Variants in NFX1 observed in about 807,000 individuals in gnomAD.
The protein encoded by NFX1 is transcriptional repressor NF-X1.
NFX1 carries 69 observed loss-of-function variants against 137.2 expected under a neutral mutation model. The observed-to-expected ratio is 0.50, with a 90% confidence interval of 0.41 to 0.61. NFX1 has a LOEUF of 0.61. Ranked by LOEUF, NFX1 falls within the 20% of genes least tolerant of loss-of-function variation. NFX1 has a pLI of 0.00. For missense variants in NFX1, 1,167 were observed against 1,391.0 expected (o/e 0.84, Z 2.56); for synonymous variants, 495 against 474.1 (o/e 1.04, Z -0.57).
At chr9:33,328,369 C>T (rs961959124) in intron 9 of NFX1, among the ~76,000 whole-genome samples, 1 of 151,966 alleles carries the variant, frequency 6.6e-6, no homozygotes, top group Non-Finnish European at 1.5e-5. Context: ...AAGCATATTC[C>T]AGTGTCTAAG....
At chr9:33,342,991 T>C (rs1030153024) in intron 13 of NFX1, 137 bp downstream of exon 13, 3 of 633,070 alleles carry the variant, frequency 4.7e-6, no homozygotes, top group Non-Finnish European at 8.0e-6. Flanking sequence ...TTGAGACTTT[T>C]TTTAAAGTTA....
chr9:33,361,349 G>A (rs1050318086), intron 19 of NFX1, among the ~76,000 whole-genome samples: 1 of 151,928 alleles, frequency 6.6e-6, no homozygotes, highest in Admixed American at 6.6e-5. Flanking sequence ...TATATTTATG[G>A]TAATACAGCA....
chr9:33,352,968 CT>C (rs1384425308), intron 17 of NFX1: 4 of 382,528 alleles, frequency 1.0e-5, no homozygotes, highest in Admixed American at 4.3e-5. Flanking sequence ...GGGTCTCGCC[CT>C]GTTTCCCAGG....
chr9:33,339,304 G>A (rs766586264), intron 12 of NFX1, among the ~76,000 whole-genome samples: 17 of 152,152 alleles, frequency 1.1e-4, no homozygotes, highest in Non-Finnish European at 1.8e-4. Flanking sequence ...GGAAGGCAAG[G>A]AAGAGCAAGT....
Position 33,369,972 on chromosome 9 carries a change from G to A in NFX1, c.3357G>A (p.Gln1119=), listed in dbSNP as rs763761010. The A allele has an allele frequency of 1.9e-5, 31 of 1,610,612 alleles. No homozygotes were observed. Among genetic ancestry groups the A allele is most frequent in the Non-Finnish European group, 2.5e-5 (30 of 1,177,062 alleles). The change falls in exon 24 of 24, where the codon CAG becomes CAA. Residue 1119 remains glutamine (Q), a synonymous_variant. Coordinates refer to ENST00000379540, the MANE Select transcript of NFX1 (RefSeq NM_002504.6). ...CAATAATTGACTATTTTGACGTCCA[G>A]GACTAAGAAGATCATGATGCACTTA... ...KEPIIDYFDV[Q]D
intron 23 of NFX1, 120 bp downstream of exon 23, chr9:33,367,739 A>G (rs1824212073): frequency 2.6e-6 from 2 of 782,284 alleles, no homozygotes; most frequent in East Asian, 5.4e-5. Flanking sequence ...TTGGGGTACC[A>G]TGTTCAAATA....
At position 33,301,274 on chromosome 9, in the gene NFX1, G is replaced by C. The variant is rs747572562; in HGVS notation, c.1045G>C (p.Glu349Gln). 1 of 1,611,770 alleles carries C rather than the reference G, an allele frequency of 6.2e-7. No individual in the cohort carries two copies. Among genetic ancestry groups the C allele is most frequent in the Non-Finnish European group, 8.5e-7 (1 of 1,179,344 alleles). ...TGTTTTTTAAACAGGTTCTCTAATT[G>C]AACAACTAACAACAGAAAAATACGA... ...NVETHTGSLI[E>Q]QLTTEKYECM... Residue 349 changes from glutamate to glutamine, a missense_variant, in exon 3 of 24, where the codon GAA becomes CAA. Coordinates refer to ENST00000379540, the MANE Select transcript of NFX1 (RefSeq NM_002504.6).
At position 33,367,613 on chromosome 9, in the gene NFX1, C is replaced by A; in HGVS notation, c.3284C>A (p.Ser1095Ter). ...PPPIPHHRHQ[S>*]DKNPGSSNLQ... ...CCGATTCCTCATCACAGACATCAGT[C>A]AGACAAGTAAGATTCTCCAGCTGCT... Residue 1095 changes from serine (S) to a stop codon, truncating the protein, a stop_gained, in exon 23 of 24, where the codon TCA (serine) becomes TAA (stop). Transcript: ENST00000379540. LOFTEE classifies it high-confidence loss of function. 2 of 1,613,552 alleles carry A rather than the reference C, an allele frequency of 1.2e-6. No individual in the cohort carries two copies. Among genetic ancestry groups the A allele is most frequent in the South Asian group, 2.2e-5 (2 of 90,998 alleles).
At chr9:33,301,466 T>TA (rs778261791) in intron 3 of NFX1, 45 bp downstream of exon 3, 2 of 1,560,998 alleles carry the variant, frequency 1.3e-6, no homozygotes, top group East Asian at 4.5e-5. Context: ...CCCTATTTGA[T>TA]ACGTTTAAGT....
At chr9:33,292,991 C>T (rs188980669) in intron 1 of NFX1, among the ~76,000 whole-genome samples, 8 of 152,336 alleles carry the variant, frequency 5.3e-5, no homozygotes. Context: ...CCATCCCATC[C>T]CCTAGAATTC....
chr9:33,353,030 A>T (rs531234975), intron 17 of NFX1, among the ~76,000 whole-genome samples: 1 of 152,162 alleles, frequency 6.6e-6, no homozygotes, highest in African/African-American at 2.4e-5. Flanking sequence ...GGCGTGAGCC[A>T]CTACACCTGG....
At chr9:33,327,354 A>G (rs954298815) in intron 9 of NFX1, among the ~76,000 whole-genome samples, 12 of 151,938 alleles carry the variant, frequency 7.9e-5, no homozygotes, top group Admixed American at 7.2e-4. Flanking sequence ...ACTGGATTTA[A>G]AAAACAAGAT....
intron 3 of NFX1, 86 bp from the exon 4 acceptor site, chr9:33,303,105 G>A: frequency 6.2e-6 from 6 of 974,016 alleles, no homozygotes; most frequent in Non-Finnish European, 8.1e-6. Flanking sequence ...CTTCAATATT[G>A]TGTCTTCCTA....
chr9:33,335,986 GTTA>G (rs1253689138), intron 11 of NFX1, among the ~76,000 whole-genome samples: 2 of 152,144 alleles, frequency 1.3e-5, no homozygotes, highest in South Asian at 4.1e-4. Flanking sequence ...GAATAGTGCT[GTTA>G]TGAACATTTG....
intron 9 of NFX1, among the ~76,000 whole-genome samples, chr9:33,321,574 T>C (rs531404652): frequency 2.6e-5 from 4 of 152,168 alleles, no homozygotes; most frequent in African/African-American, 9.6e-5. Context: ...TAGGGAAAAC[T>C]ATAAAAAAGC....
At chr9:33,354,916 T>A (rs1243145892) in intron 19 of NFX1, 24 bp downstream of exon 19, 1 of 1,613,340 alleles carries the variant, frequency 6.2e-7, no homozygotes, top group Admixed American at 1.7e-5. Flanking sequence ...GCTGCTTTTT[T>A]AATCTCCTTG....
At chr9:33,361,051 A>G (rs1203291846) in intron 19 of NFX1, among the ~76,000 whole-genome samples, 1 of 152,242 alleles carries the variant, frequency 6.6e-6, no homozygotes, top group Non-Finnish European at 1.5e-5. Context: ...ATTGATCAAG[A>G]GTCTTATGTC....
intron 12 of NFX1, 117 bp from the exon 13 acceptor site, chr9:33,342,629 C>A: frequency 1.4e-6 from 1 of 739,888 alleles, no homozygotes. Flanking sequence ...GAAGGTATTT[C>A]CAGATATCAT....
At chr9:33,357,130 A>G (rs550322722) in intron 19 of NFX1, among the ~76,000 whole-genome samples, 10 of 151,564 alleles carry the variant, frequency 6.6e-5, no homozygotes, top group South Asian at 2.1e-4. Flanking sequence ...GTAAAACCCC[A>G]TCTCTACTAA....
Sources: gnomAD v4.1 joint callset for allele counts (sites outside exome capture counted in the v4.1 genomes callset) on GRCh38, gnomAD v4.1.1 for gene constraint, MANE v1.5 for transcripts, NCBI Gene and HGNC (gene_info 2026-07-23, HGNC 2026-07-21) for gene names.